FCRL5: variants seen among roughly 807,000 people sequenced by gnomAD.
FCRL5 encodes Fc receptor like 5, also known as Fc receptor-like protein 5.
Under a neutral mutation model 92.1 loss-of-function variants are expected in FCRL5, and 79 were observed. The ratio of observed to expected loss-of-function variants is 0.86; its 90% CI spans 0.72 to 1.03. The LOEUF (loss-of-function observed/expected upper bound fraction) is 1.03. Ranked by LOEUF, FCRL5 falls within the 50% of genes least tolerant of loss-of-function variation. The pLI, the probability that FCRL5 is intolerant of heterozygous loss-of-function variation, is 0.00. For synonymous variants in FCRL5, 466 were observed against 469.3 expected, an observed-to-expected ratio of 0.99 and a Z score of 0.09; for missense variants, 1,160 against 1,181.1, an observed-to-expected ratio of 0.98 and a Z score of 0.26.
chr1:157,536,320 T>TTCTA (rs1650969667), intron 7 of FCRL5, among the ~76,000 whole-genome samples: 1 of 152,196 alleles, frequency 6.6e-6, no homozygotes, highest in Non-Finnish European at 1.5e-5. Flanking sequence ...TTAGAACATG[T>TTCTA]TCTACCCTTG....
intron 7 of FCRL5, among the ~76,000 whole-genome samples, chr1:157,537,030 T>C (rs959985439): frequency 6.6e-6 from 1 of 152,202 alleles, no homozygotes; most frequent in African/African-American, 2.4e-5. Flanking sequence ...TGAGGATGAA[T>C]GTCACCTCAG....
chr1:157,537,701 G>A (rs935918101), intron 7 of FCRL5, among the ~76,000 whole-genome samples: 10 of 152,218 alleles, frequency 6.6e-5, no homozygotes, highest in Middle Eastern at 3.4e-3. Context: ...GACATGTGAT[G>A]TCGCCCCCGG....
intron 3 of FCRL5, among the ~76,000 whole-genome samples, chr1:157,545,610 G>A (rs1021624627): frequency 1.5e-5 from 2 of 133,134 alleles, no homozygotes; most frequent in African/African-American, 5.9e-5. Flanking sequence ...CTCACTGCAA[G>A]CTCCATCTCC....
intron 4 of FCRL5, 51 bp downstream of exon 4, chr1:157,544,780 C>T: frequency 6.2e-7 from 1 of 1,609,272 alleles, no homozygotes; most frequent in Non-Finnish European, 8.5e-7. Flanking sequence ...TCTATGACCC[C>T]AAGGAATCTC....
chr1:157,514,486 A>T lies in FCRL5; in HGVS notation c.*1189T>A, dbSNP rs1238140990. On this transcript the variant is annotated 3_prime_UTR_variant, in exon 17 of 17. Coordinates refer to ENST00000361835, the MANE Select transcript of FCRL5 (RefSeq NM_031281.3). ...GTGGTGCTGTGGCCAAAGGCTGGCC[A>T]GGGAGCAGCACGATCCGTGTGAACC... is the stretch of plus-strand genomic sequence containing the variant. The T allele has an allele frequency of 6.6e-6, 1 of 152,238 alleles. No homozygotes were observed. Among genetic ancestry groups the T allele is most frequent in the Non-Finnish European group, 1.5e-5 (1 of 68,058 alleles). 9.4% of individuals were successfully genotyped at this position (152,238 alleles called of 1,614,324 possible). A position where few individuals can be genotyped will look rare whatever the true frequency, so the allele number is the denominator to read the frequency against.
chr1:157,547,608 G>T (rs1263971748), intron 2 of FCRL5, among the ~76,000 whole-genome samples: 1 of 152,158 alleles, frequency 6.6e-6, no homozygotes, highest in African/African-American at 2.4e-5. Context: ...CTTAAGATTT[G>T]TCCCTGAGAA....
At chr1:157,534,957 C>G (rs1650899660) in intron 7 of FCRL5, 65 bp from the exon 8 acceptor site, 1 of 1,459,044 alleles carries the variant, frequency 6.9e-7, no homozygotes, top group Non-Finnish European at 9.2e-7. Context: ...CAACACTTGG[C>G]CAGTGCAGAT....
At position 157,527,793 on chromosome 1, in the gene FCRL5, G is replaced by A. The variant is rs753174100; in HGVS notation, c.1784C>T (p.Pro595Leu). Residue 595 changes from proline to leucine, a missense_variant, in exon 9 of 17, where the codon CCA becomes CTA. Pro to Leu is a moderately conservative substitution (Grantham distance 98, BLOSUM62 -3). Coordinates refer to ENST00000361835, the MANE Select transcript of FCRL5 (RefSeq NM_031281.3). Reference protein sequence around the residue: ...LHCEAPRGSPPILYWFYHEDV... With the variant: ...LHCEAPRGSPLILYWFYHEDV... The stretch of plus-strand genomic sequence containing the variant: ...CTCATGATAAAACCAGTACAGGATT[G>A]GGGGAGAGCCTCTCGGGGCCTCACA... 9 of 1,614,020 alleles carry A rather than the reference G, an allele frequency of 5.6e-6. No individual in the cohort carries two copies. Among genetic ancestry groups the A allele is most frequent in the South Asian group, 2.2e-5 (2 of 91,054 alleles).
intron 6 of FCRL5, among the ~76,000 whole-genome samples, chr1:157,540,340 C>A (rs1270699665): frequency 6.6e-6 from 1 of 152,210 alleles, no homozygotes; most frequent in Non-Finnish European, 1.5e-5. Flanking sequence ...CACACCCTTA[C>A]CTGCATCAGC....
At chr1:157,548,492 C>G (rs1390619412) in intron 2 of FCRL5, among the ~76,000 whole-genome samples, 3 of 152,124 alleles carry the variant, frequency 2.0e-5, no homozygotes, top group Non-Finnish European at 2.9e-5. Context: ...TCAGAGTGAA[C>G]AGGCAACCTA....
chr1:157,543,656 G>C (rs944479837), intron 5 of FCRL5, among the ~76,000 whole-genome samples: 1 of 152,120 alleles, frequency 6.6e-6, no homozygotes, highest in African/African-American at 2.4e-5. Flanking sequence ...CATGAGTGGA[G>C]GGATGACACA....
chr1:157,543,037 C>T lies in FCRL5; in HGVS notation c.945G>A (p.Leu315=), dbSNP rs1651345793. ...TLHCETQEDS[L]RTLYRFYHEG... ...CATGATAAAACCTGTACAAAGTGCG[C>T]AGAGAATCTTCCTGGGTTTCACAGT... Residue 315 remains leucine (L), a synonymous_variant, in exon 6 of 17, where the codon CTG becomes CTA. Transcript: ENST00000361835. 1.2e-6 allele frequency: 2 copies of T among 1,614,110 alleles called. No individual in the cohort carries two copies. Among genetic ancestry groups the T allele is most frequent in the Non-Finnish European group, 1.7e-6 (2 of 1,180,040 alleles).
rs572211761 is a variant in FCRL5, at chr1:157,545,241, C to T, written c.308-159G>A. On this transcript the variant is annotated intron_variant, in intron 3 of 16. Transcript: ENST00000361835. The stretch of plus-strand genomic sequence containing the variant: ...TTTCTGATTTAAAAATGAACACATA[C>T]ACCTTAAGAAAAGTTGAAAAGCAGA... Among the ~76,000 whole-genome samples, 4 of 152,226 alleles carry T rather than the reference C, an allele frequency of 2.6e-5. No homozygotes were observed. In the East Asian group the frequency reaches 7.7e-4, roughly 29 times the overall value.
In FCRL5 at chr1:157,530,666, A is replaced by G. The variant is rs571458291; in HGVS notation, c.1682-2771T>C. The stretch of plus-strand genomic sequence containing the variant: ...AGAGCCACCATGCCCCACTTACCTG[A>G]TTATTCTTAACAATGACAAAGTATT... On this transcript the variant is annotated intron_variant, in intron 8 of 16. Transcript: ENST00000361835. Among the ~76,000 whole-genome samples the G allele has an allele frequency of 1.7e-3, 258 of 152,338 alleles. 4 individuals carry two copies. Among genetic ancestry groups the G allele is most frequent in the South Asian group, 7.2e-3 (35 of 4,828 alleles).
At chr1:157,528,033 G>C in intron 8 of FCRL5, 138 bp from the exon 9 acceptor site, 1 of 984,966 alleles carries the variant, frequency 1.0e-6, no homozygotes, top group Non-Finnish European at 1.4e-6. Context: ...AATTGTTGCT[G>C]TTCACTGATG....
chr1:157,530,512 A>G (rs1387907166), intron 8 of FCRL5, among the ~76,000 whole-genome samples: 2 of 152,172 alleles, frequency 1.3e-5, no homozygotes, highest in African/African-American at 4.8e-5. Context: ...GATTACAGGC[A>G]TGCACGACCA....
At chr1:157,528,005 G>T (rs1650516525) in intron 8 of FCRL5, 110 bp from the exon 9 acceptor site, 1 of 1,272,368 alleles carries the variant, frequency 7.9e-7, no homozygotes, top group East Asian at 2.4e-5. Flanking sequence ...ATCCAAATTG[G>T]TAAAGAGGAA....
intron 5 of FCRL5, 146 bp from the exon 6 acceptor site, chr1:157,543,283 T>C (rs1651360757): frequency 9.5e-6 from 7 of 733,012 alleles, no homozygotes; most frequent in African/African-American, 7.1e-5. Context: ...ACCTGCTTCT[T>C]GCTCCTTCCT....
rs747518639 is a variant in FCRL5, at chr1:157,546,994, G to C, written c.256C>G (p.Gln86Glu). 1 of 1,614,146 alleles carries C rather than the reference G, an allele frequency of 6.2e-7. No individual in the cohort carries two copies. The highest frequency in any genetic ancestry group is 8.5e-7 in the Non-Finnish European group (1 of 1,180,024). ...CTACTGAGAGGGGAGCCCTGGGCCTGGCATCTGTACTCTCCAGATTCCTGA... is the reference window on the plus strand; with the variant it reads ...CTACTGAGAGGGGAGCCCTGGGCCTCGCATCTGTACTCTCCAGATTCCTGA... Reference protein sequence around the residue: ...EVQESGEYRCQAQGSPLSSPV... With the variant: ...EVQESGEYRCEAQGSPLSSPV... Residue 86 changes from glutamine to glutamate, a missense_variant, in exon 3 of 17, where the codon CAG becomes GAG. Physicochemically the swap from Gln to Glu is conservative, Grantham distance 29. Coordinates refer to ENST00000361835, the MANE Select transcript of FCRL5 (RefSeq NM_031281.3).
Sources: allele counts gnomAD v4.1 joint callset (sites outside exome capture counted in the v4.1 genomes callset), GRCh38; gene constraint gnomAD v4.1.1; transcripts MANE v1.5; gene names NCBI Gene and HGNC (gene_info 2026-07-23, HGNC 2026-07-21).